Variants in CSMD1 observed in about 807,000 individuals in gnomAD.
CSMD1 encodes the protein CUB and Sushi multiple domains 1, also known as CUB and sushi domain-containing protein 1.
A neutral mutation model predicts 417.5 loss-of-function variants in CSMD1; 213 were observed. The ratio of observed to expected loss-of-function variants is 0.51; its 90% CI spans 0.46 to 0.57. The LOEUF is 0.57. Among genes scored for constraint, CSMD1 ranks in the 20% least tolerant of loss-of-function variants. The probability of loss-of-function intolerance (pLI) is 0.00; values close to 1 mark genes in which losing one functional copy is unlikely to be tolerated. For missense variants in CSMD1, 6,923 were observed against 4,529.7 expected (o/e 1.53, Z -15.17); for synonymous variants, 2,862 against 1,736.8 (o/e 1.65, Z -16.11).
At chr8:4,126,630 C>A (rs543057110) in intron 3 of CSMD1, among the ~76,000 whole-genome samples, 4 of 152,136 alleles carry the variant, frequency 2.6e-5, no homozygotes, top group Non-Finnish European at 4.4e-5. Flanking sequence ...GTCCTTGAGG[C>A]TTTCTGTATT....
At chr8:4,276,667 G>A (rs1462505285) in intron 3 of CSMD1, among the ~76,000 whole-genome samples, 4 of 152,068 alleles carry the variant, frequency 2.6e-5, no homozygotes, top group African/African-American at 9.7e-5. Flanking sequence ...TTTTCCTTCT[G>A]GTCATTGATT....
intron 7 of CSMD1, among the ~76,000 whole-genome samples, chr8:3,664,045 A>T (rs185414527): frequency 6.6e-6 from 1 of 152,308 alleles, no homozygotes; most frequent in Non-Finnish European, 1.5e-5. Context: ...TGTTATTATT[A>T]TTAAACTTTA....
chr8:3,987,809 C>A (rs532772111), intron 5 of CSMD1, among the ~76,000 whole-genome samples: 9 of 152,314 alleles, frequency 5.9e-5, no homozygotes, highest in African/African-American at 2.2e-4. Flanking sequence ...ATAGCCTTAT[C>A]CAAACCCATA....
chr8:4,284,878 A>C (rs1585157828), intron 3 of CSMD1, among the ~76,000 whole-genome samples: 1 of 152,174 alleles, frequency 6.6e-6, no homozygotes. Flanking sequence ...TAGTTTAAAA[A>C]ACACTTTTCT....
chr8:4,031,951 G>T lies in CSMD1; in HGVS notation c.564C>A (p.Ser188Arg). ...EGHAILTCIV[S>R]PGNGASWDFP... is the part of the protein sequence containing the mutation. ...AGTCCCACGATGCACCATTTCCTGGGCTGACGATGCAGGTCAGGATGGCGT... is the reference window on the plus strand; with the variant it reads ...AGTCCCACGATGCACCATTTCCTGGTCTGACGATGCAGGTCAGGATGGCGT... The change falls in exon 4 of 70, where the codon AGC becomes AGA. Residue 188 changes from serine to arginine, a missense_variant. By Grantham distance (110) the Ser-to-Arg change is moderately radical. Coordinates refer to ENST00000635120, the MANE Select transcript of CSMD1 (RefSeq NM_033225.6). 6 of 1,613,942 alleles carry T rather than the reference G, an allele frequency of 3.7e-6. No homozygotes were observed. The South Asian group carries it at 5.5e-5, about 15-fold the overall frequency.
intron 1 of CSMD1, among the ~76,000 whole-genome samples, chr8:4,761,890 CCTACCTATCTATCTATCTATCAAT>C (rs1254135009): frequency 0.024 from 2,202 of 93,368 alleles, 35 homozygotes; most frequent in Non-Finnish European, 0.031. Flanking sequence ...TATCTATCTA[CCTACCTATCTATCTATCTATCAAT>C]CTATCTATCT....
chr8:4,835,961 T>C (rs889474462), intron 1 of CSMD1, among the ~76,000 whole-genome samples: 1 of 152,122 alleles, frequency 6.6e-6, no homozygotes, highest in Non-Finnish European at 1.5e-5. Flanking sequence ...ATTTTGAGAA[T>C]TAATTAGGTA....
At chr8:3,723,861 T>G (rs931656921) in intron 6 of CSMD1, among the ~76,000 whole-genome samples, 23 of 152,124 alleles carry the variant, frequency 1.5e-4, no homozygotes, top group Non-Finnish European at 2.5e-4. Flanking sequence ...AAATGCAAAA[T>G]AGACCAACAC....
At chr8:3,918,100 G>C (rs993834796) in intron 5 of CSMD1, among the ~76,000 whole-genome samples, 5 of 151,964 alleles carry the variant, frequency 3.3e-5, no homozygotes, top group Admixed American at 2.6e-4. Context: ...ATTGATCAAA[G>C]TGCATTTATG....
intron 2 of CSMD1, among the ~76,000 whole-genome samples, chr8:4,489,815 C>A (rs1478005732): frequency 6.6e-6 from 1 of 152,184 alleles, no homozygotes; most frequent in Non-Finnish European, 1.5e-5. Flanking sequence ...AGAACATAGT[C>A]AGGCTGCCAC....
intron 2 of CSMD1, among the ~76,000 whole-genome samples, chr8:4,561,461 G>C (rs1479611657): frequency 6.6e-6 from 1 of 152,160 alleles, no homozygotes. Context: ...TGCAGGTGAA[G>C]CACTTGAGTC....
chr8:4,630,944 C>T (rs550760109), intron 2 of CSMD1, among the ~76,000 whole-genome samples: 15 of 152,280 alleles, frequency 9.9e-5, no homozygotes, highest in Non-Finnish European at 1.8e-4. Flanking sequence ...TGCCCCAGTG[C>T]CATCAATAAG....
At position 4,790,125 on chromosome 8, in the gene CSMD1, T is replaced by C. The variant is rs150633048; in HGVS notation, c.86-152567A>G. ...GCTCCATCACTTGTGATATCCAATA[T>C]TCAGTTCCTTTGGACAAACAAGACA... On this transcript the variant is annotated intron_variant, in intron 1 of 69. Transcript: ENST00000635120. 3.3e-5 allele frequency among the ~76,000 whole-genome samples: 5 copies of C among 152,276 alleles called. 1 individual carries two copies. The East Asian group carries it at 9.7e-4, about 29-fold the overall frequency.
At chr8:3,799,897 T>A (rs997558142) in intron 5 of CSMD1, among the ~76,000 whole-genome samples, 2 of 152,138 alleles carry the variant, frequency 1.3e-5, no homozygotes, top group Admixed American at 6.6e-5. Context: ...GCTATATAAT[T>A]GAAAAATTAA....
chr8:3,181,352 G>C (rs1271117141), intron 36 of CSMD1, 138 bp from the exon 37 acceptor site: 2 of 643,830 alleles, frequency 3.1e-6, no homozygotes, highest in Admixed American at 2.8e-5. Flanking sequence ...CTGAGTGTTG[G>C]TTTTATTATG....
rs576541717 is a variant in CSMD1, at chr8:3,887,503, A to T, written c.818+110400T>A. ...GTTCTCACCTCTGGCTGAACATTAG[A>T]GTTGCCTGTTTTTGTAAACATGAAT... On this transcript the variant is annotated intron_variant, in intron 5 of 69. Coordinates refer to ENST00000635120, the MANE Select transcript of CSMD1 (RefSeq NM_033225.6). Among the ~76,000 whole-genome samples the T allele has an allele frequency of 6.4e-4, 98 of 152,300 alleles. 1 individual carries two copies. Among genetic ancestry groups the T allele is most frequent in the African/African-American group, 2.3e-3 (96 of 41,562 alleles).
At chr8:3,754,181 T>G in intron 5 of CSMD1, 139 bp from the exon 6 acceptor site, 2 of 514,896 alleles carry the variant, frequency 3.9e-6, no homozygotes, top group East Asian at 3.1e-5. Context: ...TTAATTGACT[T>G]TGAACCTTAA....
At chr8:3,553,247 G>A (rs1234413526) in intron 10 of CSMD1, among the ~76,000 whole-genome samples, 3 of 152,268 alleles carry the variant, frequency 2.0e-5, no homozygotes, top group Admixed American at 6.5e-5. Context: ...TTTCAGTAAT[G>A]TAGCCATAGT....
At chr8:4,305,662 C>A (rs998702182) in intron 3 of CSMD1, among the ~76,000 whole-genome samples, 1 of 152,150 alleles carries the variant, frequency 6.6e-6, no homozygotes, top group African/African-American at 2.4e-5. Flanking sequence ...CATCCTCAAC[C>A]AGCAGAGAGT....
Sources: allele counts gnomAD v4.1 joint callset (sites outside exome capture counted in the v4.1 genomes callset), GRCh38; gene constraint gnomAD v4.1.1; transcripts MANE v1.5; gene names NCBI Gene and HGNC (gene_info 2026-07-23, HGNC 2026-07-21).